The following CABCOCO1 variants were observed in gnomAD, a reference collection of about 807,000 sequenced individuals.
CABCOCO1 encodes ciliary associated calcium binding coiled-coil 1.
CABCOCO1 carries 28 observed loss-of-function variants against 35.7 expected under a neutral mutation model. The observed-to-expected ratio is 0.78, with a 90% CI of 0.58 to 1.07. The LOEUF is 1.07. Ranked by LOEUF, CABCOCO1 falls within the 50% of genes least tolerant of loss-of-function variation. The probability of loss-of-function intolerance (pLI) is 0.00; values close to 1 mark genes in which losing one functional copy is unlikely to be tolerated. For synonymous variants in CABCOCO1, 95 were observed against 100.1 expected, an observed-to-expected ratio of 0.95 and a Z score of 0.30; for missense variants, 326 against 309.2, an observed-to-expected ratio of 1.05 and a Z score of -0.41.
At chr10:61,690,768 A>G (rs186135248) in intron 5 of CABCOCO1, 147 bp downstream of exon 5, 572 of 541,912 alleles carry the variant, frequency 1.1e-3, no homozygotes, top group African/African-American at 0.01. Flanking sequence ...AAAAAGAATA[A>G]TTATATAAAG....
chr10:61,762,402 G>T (rs1364242561), intron 7 of CABCOCO1, among the ~76,000 whole-genome samples: 1 of 152,098 alleles, frequency 6.6e-6, no homozygotes, highest in African/African-American at 2.4e-5. Flanking sequence ...CATCCTGGAA[G>T]TTCAATAGCT....
At chr10:61,690,463 A>C (rs1840101756) in intron 4 of CABCOCO1, 86 bp from the exon 5 acceptor site, 8 of 841,396 alleles carry the variant, frequency 9.5e-6, no homozygotes, top group Middle Eastern at 2.6e-4. Context: ...GGTCAATATG[A>C]AGTTTCCTTT....
chr10:61,684,352 T>C (rs1839891205), intron 3 of CABCOCO1, among the ~76,000 whole-genome samples: 1 of 152,250 alleles, frequency 6.6e-6, no homozygotes, highest in African/African-American at 2.4e-5. Context: ...AGTTAGTGTT[T>C]ATAGTGTCTT....
intron 5 of CABCOCO1, among the ~76,000 whole-genome samples, chr10:61,717,919 A>G (rs547122853): frequency 6.6e-6 from 1 of 152,222 alleles, no homozygotes; most frequent in African/African-American, 2.4e-5. Flanking sequence ...TTTTAACCCA[A>G]TAGCAGGGAA....
chr10:61,721,918 C>CTA (rs747174922), intron 5 of CABCOCO1, among the ~76,000 whole-genome samples: 1 of 152,154 alleles, frequency 6.6e-6, no homozygotes, highest in East Asian at 1.9e-4. Context: ...AGACAATGAA[C>CTA]TACAGAACCT....
At chr10:61,677,012 C>A (rs961358061) in intron 2 of CABCOCO1, among the ~76,000 whole-genome samples, 3 of 151,472 alleles carry the variant, frequency 2.0e-5, no homozygotes, top group African/African-American at 7.3e-5. Context: ...TGCAGTGAGC[C>A]GGGATGGAGC....
chr10:61,677,739 C>T (rs1176884398), intron 2 of CABCOCO1, among the ~76,000 whole-genome samples: 1 of 151,524 alleles, frequency 6.6e-6, no homozygotes, highest in Non-Finnish European at 1.5e-5. Context: ...TGTTCTCCTT[C>T]CCGTGTCCAT....
chr10:61,720,574 G>A (rs145345275), intron 5 of CABCOCO1, among the ~76,000 whole-genome samples: 119 of 152,352 alleles, frequency 7.8e-4, no homozygotes, highest in African/African-American at 2.6e-3. Context: ...GTCCCAGGAT[G>A]AGAAATGGTA....
chr10:61,759,031 T>C lies in CABCOCO1; in HGVS notation c.553-1028T>C, dbSNP rs543826594. ...GGGTTTTTTTTCAGGCTTCACAGGATGATAATTATTTCGTGAATTTATGCA... is the reference window on the plus strand; with the variant it reads ...GGGTTTTTTTTCAGGCTTCACAGGACGATAATTATTTCGTGAATTTATGCA... On this transcript the variant is annotated intron_variant, in intron 5 of 7. Coordinates refer to ENST00000648843, the MANE Select transcript of CABCOCO1 (RefSeq NM_001366906.2). Among the ~76,000 whole-genome samples the C allele has an allele frequency of 8.5e-5, 13 of 152,134 alleles. No homozygotes were observed. The East Asian group carries it at 1.7e-3, about 20-fold the overall frequency.
intron 5 of CABCOCO1, among the ~76,000 whole-genome samples, chr10:61,749,470 TA>T (rs1028202232): frequency 4.6e-5 from 7 of 152,242 alleles, no homozygotes; most frequent in Non-Finnish European, 1.0e-4. Context: ...TTGCCATCTT[TA>T]AAAACTATTC....
intron 5 of CABCOCO1, among the ~76,000 whole-genome samples, chr10:61,753,495 A>C (rs1432582769): frequency 6.6e-6 from 1 of 152,148 alleles, no homozygotes; most frequent in Non-Finnish European, 1.5e-5. Flanking sequence ...CCGGTATTTC[A>C]TTTTCACAAG....
chr10:61,713,955 T>G (rs1272323791), intron 5 of CABCOCO1, among the ~76,000 whole-genome samples: 1 of 152,210 alleles, frequency 6.6e-6, no homozygotes, highest in Non-Finnish European at 1.5e-5. Flanking sequence ...ATCAGGGATA[T>G]TGGTCTACAA....
chr10:61,753,028 C>A (rs1841824015), intron 5 of CABCOCO1, among the ~76,000 whole-genome samples: 1 of 152,122 alleles, frequency 6.6e-6, no homozygotes, highest in East Asian at 1.9e-4. Context: ...ATTGTAGTTT[C>A]TTTCTGTTCT....
chr10:61,680,201 A>T (rs568555884), intron 2 of CABCOCO1, among the ~76,000 whole-genome samples: 1 of 150,460 alleles, frequency 6.6e-6, no homozygotes, highest in East Asian at 1.9e-4. Flanking sequence ...AATTCCAGTT[A>T]CTCTGGAGGC....
chr10:61,743,580 A>G (rs1841594962), intron 5 of CABCOCO1, among the ~76,000 whole-genome samples: 1 of 152,166 alleles, frequency 6.6e-6, no homozygotes, highest in African/African-American at 2.4e-5. Context: ...AGGAGATTAG[A>G]TGATTTTCCC....
At position 61,683,039 on chromosome 10, in the gene CABCOCO1, C is replaced by T. The variant is rs551644448; in HGVS notation, c.334+1727C>T. ...CCAAGTAGCTGGGACTACAGGCATG[C>T]GCTACCACGCCCAGCTAATTTTTGT... On this transcript the variant is annotated intron_variant, in intron 3 of 7. Transcript: ENST00000648843. Among the ~76,000 whole-genome samples, 5 of 152,060 alleles carry T rather than the reference C, an allele frequency of 3.3e-5. No individual in the cohort carries two copies. In the East Asian group the frequency reaches 7.8e-4, roughly 24 times the overall value.
At chr10:61,752,811 G>T (rs986058711) in intron 5 of CABCOCO1, among the ~76,000 whole-genome samples, 2 of 152,120 alleles carry the variant, frequency 1.3e-5, no homozygotes, top group African/African-American at 4.8e-5. Flanking sequence ...ATTTCTAAAC[G>T]AATATGGTTT....
intron 5 of CABCOCO1, among the ~76,000 whole-genome samples, chr10:61,723,409 G>T (rs1367457930): frequency 6.6e-6 from 1 of 152,144 alleles, no homozygotes; most frequent in Non-Finnish European, 1.5e-5. Flanking sequence ...CATTAAAAAT[G>T]ATGCTAAGAC....
intron 5 of CABCOCO1, among the ~76,000 whole-genome samples, chr10:61,727,559 T>A (rs185882230): frequency 1.2e-3 from 177 of 152,262 alleles, no homozygotes; most frequent in Non-Finnish European, 1.8e-3. Context: ...CATCCATAAC[T>A]CTCTTCAAAT....
Sources: gnomAD v4.1 joint callset for allele counts (sites outside exome capture counted in the v4.1 genomes callset) on GRCh38, gnomAD v4.1.1 for gene constraint, MANE v1.5 for transcripts, NCBI Gene and HGNC (gene_info 2026-07-23, HGNC 2026-07-21) for gene names.